UGT1A7: variants seen among roughly 807,000 people sequenced by gnomAD.
UGT1A7 encodes UDP glucuronosyltransferase family 1 member A7, also known as UDP-glucuronosyltransferase 1A7.
Under a neutral mutation model 45.6 loss-of-function variants are expected in UGT1A7, and 33 were observed. The observed-to-expected ratio is 0.72, with a 90% CI of 0.55 to 0.97. The LOEUF is 0.97. UGT1A7 is among the 50% of genes least tolerant of loss of function. UGT1A7 has a pLI of 0.00. For missense variants in UGT1A7, 684 were observed against 666.2 expected (o/e 1.03, Z -0.29); for synonymous variants, 274 against 250.6 (o/e 1.09, Z -0.88).
At chr2:233,683,675 C>A (rs2074645965) in intron 1 of UGT1A7, among the ~76,000 whole-genome samples, 1 of 152,072 alleles carries the variant, frequency 6.6e-6, no homozygotes, top group Admixed American at 6.5e-5. Flanking sequence ...TTCTTATTAA[C>A]CTTTATTCCT....
intron 1 of UGT1A7, among the ~76,000 whole-genome samples, chr2:233,737,472 C>A (rs1374146427): frequency 6.6e-6 from 1 of 152,196 alleles, no homozygotes; most frequent in Non-Finnish European, 1.5e-5. Flanking sequence ...CATGGCTCCC[C>A]TTGTCTAGGA....
intron 1 of UGT1A7, among the ~76,000 whole-genome samples, chr2:233,740,474 C>T (rs1003783592): frequency 2.0e-5 from 3 of 151,920 alleles, no homozygotes; most frequent in African/African-American, 7.3e-5. Context: ...CAGAAAGGAT[C>T]ATTCCCTCTT....
intron 1 of UGT1A7, chr2:233,760,638 A>C (rs752920136): frequency 6.2e-7 from 1 of 1,614,204 alleles, no homozygotes; most frequent in South Asian, 1.1e-5. Flanking sequence ...AGAAAATAAA[A>C]AAGGACTCTG....
chr2:233,690,760 TAC>T (rs899779207), intron 1 of UGT1A7: 456 of 901,510 alleles, frequency 5.1e-4, no homozygotes, highest in East Asian at 4.7e-3. Context: ...AGTGCAGACA[TAC>T]ACACACACAC....
intron 1 of UGT1A7, chr2:233,742,002 T>G (rs999682670): frequency 2.6e-5 from 4 of 151,956 alleles, no homozygotes; most frequent in African/African-American, 9.7e-5. Context: ...ACAGATACAC[T>G]TGGCTTTCAT....
At chr2:233,748,079 G>T in intron 1 of UGT1A7, 1 of 1,613,192 alleles carries the variant, frequency 6.2e-7, no homozygotes. Context: ...CACTATCTCA[G>T]GTCGGTGTTC....
intron 1 of UGT1A7, among the ~76,000 whole-genome samples, chr2:233,701,924 A>C (rs2075660838): frequency 6.6e-6 from 1 of 152,202 alleles, no homozygotes; most frequent in African/African-American, 2.4e-5. Flanking sequence ...CTAACATCAC[A>C]ATTAAAAGAA....
At chr2:233,755,038 C>T (rs751084795) in intron 1 of UGT1A7, 123 of 1,320,106 alleles carry the variant, frequency 9.3e-5, no homozygotes, top group Admixed American at 3.2e-4. Flanking sequence ...CTGCCGCCTG[C>T]GCAGCCGCCC....
chr2:233,684,090 G>A (rs572506430), intron 1 of UGT1A7, among the ~76,000 whole-genome samples: 9 of 152,276 alleles, frequency 5.9e-5, no homozygotes, highest in African/African-American at 2.2e-4. Flanking sequence ...TAGGGATGGA[G>A]TATACATTTT....
chr2:233,708,923 A>C lies in UGT1A7; in HGVS notation c.855+26131A>C, dbSNP rs145112619. 8.8e-3 allele frequency among the ~76,000 whole-genome samples: 1,338 copies of C among 152,224 alleles called. 30 individuals carry two copies. The highest frequency in any genetic ancestry group is 0.03 in the African/African-American group (1,249 of 41,522). ...TCTGGTTAGGTATTGCTTGCTACAG[A>C]GCCAAACTATGTCACCAGAACCCAT... On this transcript the variant is annotated intron_variant, in intron 1 of 4. Transcript: ENST00000373426.
chr2:233,705,514 T>C (rs2075854152), intron 1 of UGT1A7, among the ~76,000 whole-genome samples: 3 of 152,040 alleles, frequency 2.0e-5, no homozygotes, highest in African/African-American at 4.8e-5. Context: ...AGAATCAGGG[T>C]GGGGAGATTA....
intron 1 of UGT1A7, chr2:233,689,841 A>C (rs531695215): frequency 2.2e-6 from 1 of 453,890 alleles, no homozygotes; most frequent in African/African-American, 2.0e-5. Flanking sequence ...ACTTTCTTGG[A>C]TATTGTTTTA....
intron 1 of UGT1A7, among the ~76,000 whole-genome samples, chr2:233,715,876 T>C (rs1472420308): frequency 6.6e-6 from 1 of 152,230 alleles, no homozygotes; most frequent in Non-Finnish European, 1.5e-5. Context: ...CTTGTGCCTG[T>C]GGCCCCAGCT....
chr2:233,746,992 G>A (rs1559391678), intron 1 of UGT1A7, among the ~76,000 whole-genome samples: 2 of 151,858 alleles, frequency 1.3e-5, no homozygotes, highest in Non-Finnish European at 2.9e-5. Context: ...AGGGTCAGAT[G>A]AGTTTTTCAA....
At chr2:233,732,755 G>GTTTT (rs956485327) in intron 1 of UGT1A7, among the ~76,000 whole-genome samples, 5 of 120,226 alleles carry the variant, frequency 4.2e-5, no homozygotes, top group African/African-American at 9.1e-5. Context: ...CACCAGCTTT[G>GTTTT]TTTTTTTTTT....
At chr2:233,756,295 GTA>G (rs1308500141) in intron 1 of UGT1A7, 2 of 152,134 alleles carry the variant, frequency 1.3e-5, no homozygotes, top group Non-Finnish European at 2.9e-5. Context: ...CACAGTATTT[GTA>G]TATAACCTAC....
At chr2:233,699,548 C>A (rs2075512161) in intron 1 of UGT1A7, among the ~76,000 whole-genome samples, 1 of 152,204 alleles carries the variant, frequency 6.6e-6, no homozygotes, top group Non-Finnish European at 1.5e-5. Context: ...CATCATAGAG[C>A]CAGGTCATGG....
intron 1 of UGT1A7, chr2:233,713,154 G>T (rs2076285126): frequency 6.2e-7 from 1 of 1,614,116 alleles, no homozygotes; most frequent in Non-Finnish European, 8.5e-7. Context: ...CCATGCGAGA[G>T]GCCACCAGGT....
intron 1 of UGT1A7, among the ~76,000 whole-genome samples, chr2:233,686,542 T>C (rs563884685): frequency 2.6e-5 from 4 of 152,240 alleles, no homozygotes; most frequent in African/African-American, 9.6e-5. Context: ...AACCTTTCCG[T>C]GGCTTTCTGA....
Sources: gnomAD v4.1 joint callset for allele counts (sites outside exome capture counted in the v4.1 genomes callset) on GRCh38, gnomAD v4.1.1 for gene constraint, MANE v1.5 for transcripts, NCBI Gene and HGNC (gene_info 2026-07-23, HGNC 2026-07-21) for gene names.